The following CAMK2D variants were observed in gnomAD, a reference collection of about 807,000 sequenced individuals.
CAMK2D encodes the protein calcium/calmodulin dependent protein kinase II delta.
A neutral mutation model predicts 84.0 loss-of-function variants in CAMK2D; 37 were observed. The observed-to-expected ratio is 0.44, with a 90% confidence interval of 0.34 to 0.58. The LOEUF (loss-of-function observed/expected upper bound fraction) is 0.58. Ranked by LOEUF, CAMK2D falls within the 20% of genes least tolerant of loss-of-function variation. The pLI, the probability that CAMK2D is intolerant of heterozygous loss-of-function variation, is 0.02. For synonymous variants in CAMK2D, 202 were observed against 212.5 expected (o/e 0.95, Z 0.43); for missense variants, 448 against 652.5 (o/e 0.69, Z 3.41).
rs752146736 is a variant in CAMK2D, at chr4:113,465,600, T to G, written c.1140A>C (p.Arg380=). ...CAGTGACTTTGATAATCTCTTGCTTTCGTGCTAAAGGCAAAAATATGGAGT... is the reference window on the plus strand; with the variant it reads ...CAGTGACTTTGATAATCTCTTGCTTGCGTGCTAAAGGCAAAAATATGGAGT... The part of the protein sequence containing the change: ...TTIEDEDVKA[R]KQEIIKVTEQ... The change falls in exon 17 of 21, where the codon CGA becomes CGC. Residue 380 remains arginine, a synonymous_variant. Transcript: ENST00000511664. The G allele has an allele frequency of 9.3e-6, 15 of 1,608,648 alleles. No homozygotes were observed. The African/African-American group carries it at 2.0e-4, about 22-fold the overall frequency.
intron 2 of CAMK2D, among the ~76,000 whole-genome samples, chr4:113,694,395 T>C (rs1231533055): frequency 6.6e-6 from 1 of 152,154 alleles, no homozygotes; most frequent in Non-Finnish European, 1.5e-5. Flanking sequence ...AAGTTAATAA[T>C]TAAGAAAAAA....
chr4:113,628,448 G>A (rs745530504), intron 3 of CAMK2D, among the ~76,000 whole-genome samples: 5 of 151,982 alleles, frequency 3.3e-5, no homozygotes, highest in East Asian at 1.9e-4. Context: ...TTAAAAATGC[G>A]CAGTAAAATC....
chr4:113,614,702 A>G (rs2099014512), intron 3 of CAMK2D, among the ~76,000 whole-genome samples: 2 of 152,206 alleles, frequency 1.3e-5, no homozygotes, highest in South Asian at 4.1e-4. Context: ...CACAAATAAT[A>G]AACTGATGTT....
At chr4:113,750,340 C>T (rs1292870941) in intron 2 of CAMK2D, among the ~76,000 whole-genome samples, 1 of 152,146 alleles carries the variant, frequency 6.6e-6, no homozygotes, top group East Asian at 1.9e-4. Context: ...AACTTTCTCC[C>T]TCCCTGTGAA....
chr4:113,594,730 G>T (rs1254183021), intron 4 of CAMK2D, among the ~76,000 whole-genome samples: 1 of 152,122 alleles, frequency 6.6e-6, no homozygotes, highest in Non-Finnish European at 1.5e-5. Context: ...TTCTAAAACT[G>T]AAGAGCAAAG....
intron 8 of CAMK2D, among the ~76,000 whole-genome samples, chr4:113,520,536 G>A (rs2098342403): frequency 6.6e-6 from 1 of 151,900 alleles, no homozygotes; most frequent in African/African-American, 2.4e-5. Flanking sequence ...CTATGTCAGA[G>A]AAAAAAGAAA....
intron 17 of CAMK2D, among the ~76,000 whole-genome samples, chr4:113,462,112 G>A (rs1007232318): frequency 6.6e-6 from 1 of 152,124 alleles, no homozygotes; most frequent in Non-Finnish European, 1.5e-5. Flanking sequence ...TCTGCCAGGG[G>A]CTATTACTTC....
Position 113,460,132 on chromosome 4 carries a change from T to C in CAMK2D, c.1306+15A>G. The stretch of plus-strand genomic sequence containing the variant: ...GTTTAAAAAGGGCATGTTATTAAAT[T>C]AGGAATAAATGTACCATTTTCAAAG... On this transcript the variant is annotated intron_variant, in intron 18 of 20. Coordinates refer to ENST00000511664, the MANE Select transcript of CAMK2D (RefSeq NM_001321571.2). 1.4e-6 allele frequency: 2 copies of C among 1,421,598 alleles called. No individual in the cohort carries two copies. The highest frequency in any genetic ancestry group is 2.0e-6 in the Non-Finnish European group (2 of 1,005,546). The allele number at this position is 1,421,598 out of a possible 1,614,324, so 88.1% of individuals were successfully genotyped here. A position where few individuals can be genotyped will look rare whatever the true frequency, so the allele number is the denominator to read the frequency against.
chr4:113,494,198 T>C (rs1409410575), intron 16 of CAMK2D, among the ~76,000 whole-genome samples: 5 of 152,382 alleles, frequency 3.3e-5, no homozygotes, highest in Admixed American at 2.6e-4. Flanking sequence ...TGCGTTCCTT[T>C]GGAGGAGGAG....
chr4:113,532,097 A>T (rs928053655), intron 7 of CAMK2D, among the ~76,000 whole-genome samples: 2 of 152,210 alleles, frequency 1.3e-5, no homozygotes, highest in Non-Finnish European at 2.9e-5. Context: ...CTGATGAAAC[A>T]CACTGTATAC....
intron 3 of CAMK2D, among the ~76,000 whole-genome samples, chr4:113,640,812 C>G (rs2099129807): frequency 6.6e-6 from 1 of 152,206 alleles, no homozygotes; most frequent in Admixed American, 6.5e-5. Flanking sequence ...ACTTACATAG[C>G]TAATTGTCTG....
intron 2 of CAMK2D, among the ~76,000 whole-genome samples, chr4:113,727,400 A>G (rs1396096575): frequency 1.3e-5 from 2 of 152,224 alleles, no homozygotes; most frequent in African/African-American, 4.8e-5. Flanking sequence ...ACACATACAT[A>G]GCCAATTAAT....
At chr4:113,653,147 A>G (rs1435812078) in intron 3 of CAMK2D, among the ~76,000 whole-genome samples, 1 of 152,124 alleles carries the variant, frequency 6.6e-6, no homozygotes, top group Non-Finnish European at 1.5e-5. Flanking sequence ...TATAAAGAAT[A>G]CATAACTGGC....
At chr4:113,755,891 A>C (rs1023973781) in intron 2 of CAMK2D, among the ~76,000 whole-genome samples, 1 of 152,044 alleles carries the variant, frequency 6.6e-6, no homozygotes, top group African/African-American at 2.4e-5. Context: ...TTCAACATTT[A>C]CTAAGCATGC....
intron 2 of CAMK2D, among the ~76,000 whole-genome samples, chr4:113,732,839 G>A (rs2099572388): frequency 6.6e-6 from 1 of 152,044 alleles, no homozygotes; most frequent in Non-Finnish European, 1.5e-5. Context: ...CATCTATGCA[G>A]CGCATCCTAT....
chr4:113,514,655 T>A (rs890934100), intron 10 of CAMK2D, among the ~76,000 whole-genome samples: 1 of 152,176 alleles, frequency 6.6e-6, no homozygotes, highest in African/African-American at 2.4e-5. Context: ...TGACCATTAT[T>A]TTACGCCACT....
At chr4:113,574,155 A>G (rs1247991845) in intron 4 of CAMK2D, among the ~76,000 whole-genome samples, 1 of 152,188 alleles carries the variant, frequency 6.6e-6, no homozygotes. Flanking sequence ...CTTTTGCCAC[A>G]TTCTGTCTCC....
At position 113,457,488 on chromosome 4, in the gene CAMK2D, G is replaced by T; in HGVS notation, c.1382C>A (p.Ala461Asp). 1 of 1,613,740 alleles carries T rather than the reference G, an allele frequency of 6.2e-7. No homozygotes were observed. The highest frequency in any genetic ancestry group is 8.5e-7 in the Non-Finnish European group (1 of 1,179,688). Residue 461 changes from alanine (A) to aspartate (D), a missense_variant, in exon 19 of 21, where the codon GCC becomes GAC. Physicochemically the swap from Ala to Asp is moderately radical, Grantham distance 126. Around this residue, in one of 7 missense-constraint regions of CAMK2D, gnomAD observed 219 missense variants for 272.1 expected, o/e 0.80. Transcript: ENST00000511664. ...PHVHLVGDDA[A>D]CIAYIRLTQY... ...TGTGAGCCTAATATATGCTATGCAG[G>T]CGGCATCATCCCCTACCAGATGTAC...
intron 8 of CAMK2D, among the ~76,000 whole-genome samples, chr4:113,524,931 G>A (rs1201143380): frequency 6.6e-6 from 1 of 152,240 alleles, no homozygotes; most frequent in Non-Finnish European, 1.5e-5. Flanking sequence ...AAGAATGGAT[G>A]AAGGCAGAAG....
Sources: allele counts gnomAD v4.1 joint callset (sites outside exome capture counted in the v4.1 genomes callset), GRCh38; gene constraint gnomAD v4.1.1; regional missense constraint gnomAD v4.1.1; transcripts MANE v1.5; gene names NCBI Gene and HGNC (gene_info 2026-07-23, HGNC 2026-07-21).